The following BCAS3 variants were observed in gnomAD, a reference collection of about 807,000 sequenced individuals.
The protein encoded by BCAS3 is BCAS3 microtubule associated cell migration factor, also known as BCAS4/BCAS3 fusion.
In BCAS3, 53 loss-of-function variants were observed where a neutral mutation model predicts 116.1. The ratio of observed to expected loss-of-function variants is 0.46; its 90% CI spans 0.37 to 0.57. BCAS3 has a LOEUF of 0.57. Among genes scored for constraint, BCAS3 ranks in the 20% least tolerant of loss-of-function variants. BCAS3 has a pLI of 0.00. For missense variants in BCAS3, 917 were observed against 1,165.4 expected (o/e 0.79, Z 3.10); for synonymous variants, 391 against 408.2 (o/e 0.96, Z 0.51).
At chr17:61,299,374 CGG>C (rs1568790284) in intron 22 of BCAS3, among the ~76,000 whole-genome samples, 39 of 130,652 alleles carry the variant, frequency 3.0e-4, no homozygotes, top group Admixed American at 2.6e-3. Context: ...ACCTGGGAGG[CGG>C]AGCTTGCAGT....
chr17:61,147,319 G>A (rs1053941974), intron 22 of BCAS3, among the ~76,000 whole-genome samples: 1 of 151,452 alleles, frequency 6.6e-6, no homozygotes, highest in African/African-American at 2.4e-5. Flanking sequence ...CAGGTAATCC[G>A]CCCGCCTCAG....
In BCAS3 at chr17:61,380,500, A is replaced by G; in HGVS notation, c.2594-11477A>G. 2 of 1,596,966 alleles carry G rather than the reference A, an allele frequency of 1.3e-6. No individual in the cohort carries two copies. ...GCTTTAAAGGAATATTTTATTTTCA[A>G]TACAGACACAGCCCTTGACGTAGCA... On this transcript the variant is annotated intron_variant, in intron 23 of 23. Coordinates refer to ENST00000407086, the MANE Select transcript of BCAS3 (RefSeq NM_017679.5). The surrounding 1 kb of genome is among the most constrained non-coding windows in gnomAD (Gnocchi z 4.2).
In BCAS3 at chr17:61,362,261, T is replaced by A. The variant is rs1281032656; in HGVS notation, c.2426-6066T>A. ...TTCCCCTCATCATGCCTGGGATCAT[T>A]TCTTAGTTATTGTAGACGTCATCAT... On this transcript the variant is annotated intron_variant, in intron 22 of 23. Coordinates refer to ENST00000407086, the MANE Select transcript of BCAS3 (RefSeq NM_017679.5). The surrounding 1 kb of genome is among the most constrained non-coding windows in gnomAD (Gnocchi z 4.4). Among the ~76,000 whole-genome samples, 1 of 152,160 alleles carries A rather than the reference T, an allele frequency of 6.6e-6. No homozygotes were observed. The highest frequency in any genetic ancestry group is 2.4e-5 in the African/African-American group (1 of 41,444).
chr17:61,350,678 G>A (rs1281379327), intron 22 of BCAS3, among the ~76,000 whole-genome samples: 1 of 150,716 alleles, frequency 6.6e-6, no homozygotes, highest in Non-Finnish European at 1.5e-5. Flanking sequence ...TGTTACCATG[G>A]TGGCAGTGTA....
chr17:60,980,036 T>G (rs904053122), intron 14 of BCAS3, among the ~76,000 whole-genome samples: 2 of 152,144 alleles, frequency 1.3e-5, no homozygotes, highest in Non-Finnish European at 2.9e-5. Flanking sequence ...GGATTCCCTC[T>G]TTTTCTATTG....
rs1430921535 is a variant in BCAS3, at chr17:61,004,790, AT to A, written c.1487-10959del. ...AGCTAGAATGAGGCACAAGAGGGAA[AT>A]TACTATTTCAGAATGGACCAAGGTG... On this transcript the variant is annotated intron_variant, in intron 15 of 23. Coordinates refer to ENST00000407086, the MANE Select transcript of BCAS3 (RefSeq NM_017679.5). The surrounding 1 kb of genome is among the most constrained non-coding windows in gnomAD (Gnocchi z 4.8). Among the ~76,000 whole-genome samples the A allele has an allele frequency of 6.6e-6, 1 of 152,146 alleles. No homozygotes were observed. The highest frequency in any genetic ancestry group is 1.5e-5 in the Non-Finnish European group (1 of 68,000).
In BCAS3 at chr17:60,700,173, C is replaced by CAAAAAAA. The variant is rs531616609; in HGVS notation, c.215-9040_215-9034dup. 6.6e-5 allele frequency among the ~76,000 whole-genome samples: 8 copies of CAAAAAAA among 121,614 alleles called. 1 individual carries two copies. The highest frequency in any genetic ancestry group is 3.5e-4 in the African/African-American group (8 of 22,946). The allele number at this position is 121,614 out of a possible 152,430, so 79.8% of individuals were successfully genotyped here. On this transcript the variant is annotated intron_variant, in intron 4 of 23. Transcript: ENST00000407086. ...TGGACAACAGAGTGAGACCCTGTCT[C>CAAAAAAA]AAAAAAAAAAAAGAAGCAGTTCAAC...
At chr17:61,038,362 C>G (rs2067212260) in intron 18 of BCAS3, among the ~76,000 whole-genome samples, 2 of 150,698 alleles carry the variant, frequency 1.3e-5, no homozygotes, top group African/African-American at 4.9e-5. Flanking sequence ...AAGCGATTCT[C>G]CTGCCTCAGC....
In BCAS3 at chr17:61,368,252, G is replaced by C. The variant is rs1038498803; in HGVS notation, c.2426-75G>C. On this transcript the variant is annotated intron_variant, in intron 22 of 23. Coordinates refer to ENST00000407086, the MANE Select transcript of BCAS3 (RefSeq NM_017679.5). This position sits in a 1 kb window ranked among gnomAD's most constrained non-coding sequence, Gnocchi z 6.0. Reference sequence around the variant, plus strand: ...ATGGACCCTGGGTATGGAGAGGAGCGGGTGGGAGGTAGACAAGAATGGCCT... The same window carrying C: ...ATGGACCCTGGGTATGGAGAGGAGCCGGTGGGAGGTAGACAAGAATGGCCT... 1 of 1,461,834 alleles carries C rather than the reference G, an allele frequency of 6.8e-7. No homozygotes were observed. Among genetic ancestry groups the C allele is most frequent in the Non-Finnish European group, 9.3e-7 (1 of 1,078,428 alleles). The allele number at this position is 1,461,834 out of a possible 1,614,324, so 90.6% of individuals were successfully genotyped here.
chr17:60,881,220 C>G (rs1410416641), intron 9 of BCAS3, among the ~76,000 whole-genome samples: 2 of 152,144 alleles, frequency 1.3e-5, no homozygotes, highest in Admixed American at 6.5e-5. Context: ...GTGATCCGCC[C>G]ACCTCGGCCT....
chr17:61,047,920 C>G (rs2068494001), intron 19 of BCAS3, among the ~76,000 whole-genome samples: 1 of 151,966 alleles, frequency 6.6e-6, no homozygotes, highest in Admixed American at 6.6e-5. Context: ...AGAGTTTGGA[C>G]TTCTTTCTAA....
chr17:61,066,669 G>A (rs1278225877), intron 19 of BCAS3, among the ~76,000 whole-genome samples: 2 of 152,054 alleles, frequency 1.3e-5, no homozygotes, highest in Non-Finnish European at 2.9e-5. Context: ...TAGAAGACTA[G>A]ATTAGTTGCA....
At chr17:60,792,379 C>A (rs570461128) in intron 6 of BCAS3, among the ~76,000 whole-genome samples, 3 of 152,306 alleles carry the variant, frequency 2.0e-5, no homozygotes, top group African/African-American at 7.2e-5. Context: ...AGTGGGTGAA[C>A]CCCCCGCTCG....
At chr17:61,209,390 G>C (rs1241143388) in intron 22 of BCAS3, among the ~76,000 whole-genome samples, 1 of 152,042 alleles carries the variant, frequency 6.6e-6, no homozygotes, top group Admixed American at 6.6e-5. Flanking sequence ...TAATGTATTT[G>C]ACTACTCTAC....
intron 6 of BCAS3, among the ~76,000 whole-genome samples, chr17:60,762,548 T>A (rs111628646): frequency 0.27 from 41,679 of 152,046 alleles, 11,419 homozygotes; most frequent in African/African-American, 0.71. Context: ...GTTCTGTTCC[T>A]TTGGTCTATA....
intron 14 of BCAS3, among the ~76,000 whole-genome samples, chr17:60,984,742 G>A (rs113189578): frequency 0.03 from 4,545 of 152,090 alleles, 235 homozygotes; most frequent in African/African-American, 0.1. Flanking sequence ...AGGCACAGTG[G>A]CTCACGCCTG....
At chr17:61,163,472 G>C (rs1409029431) in intron 22 of BCAS3, among the ~76,000 whole-genome samples, 1 of 150,924 alleles carries the variant, frequency 6.6e-6, no homozygotes, top group Non-Finnish European at 1.5e-5. Context: ...AAATTTAACA[G>C]ATCAATTCTT....
chr17:61,237,690 A>G (rs2083174461), intron 22 of BCAS3, among the ~76,000 whole-genome samples: 1 of 152,236 alleles, frequency 6.6e-6, no homozygotes. Flanking sequence ...ATTCTGGAAG[A>G]AAATAGAGAC....
chr17:61,388,640 A>C lies in BCAS3; in HGVS notation c.2594-3337A>C, dbSNP rs1231319612. 2.6e-6 allele frequency: 4 copies of C among 1,538,042 alleles called. No homozygotes were observed. Among genetic ancestry groups the C allele is most frequent in the South Asian group, 1.2e-5 (1 of 83,416 alleles). ...AAGGGAAAAAAAAAGGAAAAAAAAAACAATGCCAACAGCCCAGCGTCCGTG... is the reference window on the plus strand; with the variant it reads ...AAGGGAAAAAAAAAGGAAAAAAAAACCAATGCCAACAGCCCAGCGTCCGTG... On this transcript the variant is annotated intron_variant, in intron 23 of 23. Transcript: ENST00000407086. This position sits in a 1 kb window ranked among gnomAD's most constrained non-coding sequence, Gnocchi z 6.5.
Sources: allele counts gnomAD v4.1 joint callset (sites outside exome capture counted in the v4.1 genomes callset), GRCh38; gene constraint gnomAD v4.1.1; non-coding constraint Gnocchi (gnomAD v3.1); transcripts MANE v1.5; gene names NCBI Gene and HGNC (gene_info 2026-07-23, HGNC 2026-07-21).